CAMK1D: variants seen among roughly 807,000 people sequenced by gnomAD.
CAMK1D encodes calcium/calmodulin dependent protein kinase ID, also known as calcium/calmodulin-dependent protein kinase type 1D.
Under a neutral mutation model 47.7 loss-of-function variants are expected in CAMK1D, and 9 were observed. The ratio of observed to expected loss-of-function variants is 0.19; its 90% CI spans 0.11 to 0.33. The LOEUF (loss-of-function observed/expected upper bound fraction) is 0.33. Among genes scored for constraint, CAMK1D ranks in the 10% least tolerant of loss-of-function variants. CAMK1D has a pLI of 1.00. For synonymous variants in CAMK1D, 184 were observed against 184.9 expected, an observed-to-expected ratio of 0.99 and a Z score of 0.04; for missense variants, 291 against 488.7, an observed-to-expected ratio of 0.60 and a Z score of 3.81.
intron 1 of CAMK1D, among the ~76,000 whole-genome samples, chr10:12,538,770 C>G (rs1425343151): frequency 2.0e-5 from 3 of 151,872 alleles, no homozygotes; most frequent in African/African-American, 4.8e-5. Context: ...AAGGCTTTCC[C>G]CACTTGGTGG....
intron 2 of CAMK1D, among the ~76,000 whole-genome samples, chr10:12,658,632 A>G (rs1166189891): frequency 1.3e-5 from 2 of 152,108 alleles, no homozygotes; most frequent in Non-Finnish European, 2.9e-5. Flanking sequence ...ACACACACAA[A>G]TGGCTGGACA....
chr10:12,357,547 G>A (rs1013528381), intron 1 of CAMK1D, among the ~76,000 whole-genome samples: 4 of 152,086 alleles, frequency 2.6e-5, no homozygotes, highest in African/African-American at 7.2e-5. Context: ...AACTTCTGAC[G>A]CCAAGTGATC....
chr10:12,667,295 A>T (rs940654474), intron 3 of CAMK1D, among the ~76,000 whole-genome samples: 1 of 152,240 alleles, frequency 6.6e-6, no homozygotes, highest in Non-Finnish European at 1.5e-5. Context: ...CATGTGACTG[A>T]AAAGGGAATT....
At chr10:12,483,767 A>G (rs902699187) in intron 1 of CAMK1D, among the ~76,000 whole-genome samples, 13 of 151,944 alleles carry the variant, frequency 8.6e-5, no homozygotes, top group Middle Eastern at 3.2e-3. Context: ...GCTCACTACA[A>G]CCGCCGCCTC....
At chr10:12,735,783 CTTTT>C (rs11373540) in intron 3 of CAMK1D, among the ~76,000 whole-genome samples, 279 of 147,580 alleles carry the variant, frequency 1.9e-3, no homozygotes, top group Middle Eastern at 0.01. Flanking sequence ...CAGTCAGCAT[CTTTT>C]TTTTTTTTTA....
At chr10:12,512,442 C>G (rs1046996805) in intron 1 of CAMK1D, among the ~76,000 whole-genome samples, 2 of 152,180 alleles carry the variant, frequency 1.3e-5, no homozygotes, top group African/African-American at 4.8e-5. Context: ...GTCGCCCAGG[C>G]TGGAATGCAG....
At chr10:12,602,257 G>T (rs1838325580) in intron 2 of CAMK1D, among the ~76,000 whole-genome samples, 1 of 152,108 alleles carries the variant, frequency 6.6e-6, no homozygotes, top group Admixed American at 6.6e-5. Flanking sequence ...TAGAGACAGG[G>T]TCTCACTATA....
At chr10:12,387,385 AT>A (rs1838540189) in intron 1 of CAMK1D, among the ~76,000 whole-genome samples, 2 of 31,886 alleles carry the variant, frequency 6.3e-5, no homozygotes, top group South Asian at 2.3e-3. Flanking sequence ...TATATATTAT[AT>A]ATATTATATA....
chr10:12,664,932 T>C (rs997672834), intron 2 of CAMK1D, among the ~76,000 whole-genome samples: 3 of 152,174 alleles, frequency 2.0e-5, no homozygotes, highest in African/African-American at 7.2e-5. Context: ...CAATTGCAAA[T>C]TAAAACAATT....
chr10:12,416,239 G>A (rs1356596097), intron 1 of CAMK1D, among the ~76,000 whole-genome samples: 2 of 152,034 alleles, frequency 1.3e-5, no homozygotes, highest in African/African-American at 4.8e-5. Flanking sequence ...TAATGGAGAA[G>A]TCGCTGGAAA....
intron 1 of CAMK1D, among the ~76,000 whole-genome samples, chr10:12,483,753 C>T (rs1320307855): frequency 6.6e-6 from 1 of 152,050 alleles, no homozygotes; most frequent in African/African-American, 2.4e-5. Flanking sequence ...GTGGCGTGAT[C>T]TCGGCTCACT....
intron 1 of CAMK1D, among the ~76,000 whole-genome samples, chr10:12,403,791 T>C (rs1014027259): frequency 6.6e-6 from 1 of 151,976 alleles, no homozygotes; most frequent in Non-Finnish European, 1.5e-5. Context: ...AAGTGTGTTT[T>C]TTCCCCCATC....
chr10:12,681,777 T>G (rs1433048982), intron 3 of CAMK1D, among the ~76,000 whole-genome samples: 1 of 152,248 alleles, frequency 6.6e-6, no homozygotes, highest in African/African-American at 2.4e-5. Context: ...GTTGGAAATC[T>G]TTAATCAAAG....
chr10:12,772,039 A>G (rs528629856), intron 5 of CAMK1D, among the ~76,000 whole-genome samples: 2 of 150,826 alleles, frequency 1.3e-5, no homozygotes, highest in African/African-American at 4.8e-5. Context: ...ATCTCAGGAA[A>G]AAAAAAAAAA....
intron 1 of CAMK1D, among the ~76,000 whole-genome samples, chr10:12,366,689 G>A (rs1429067087): frequency 6.6e-6 from 1 of 151,822 alleles, no homozygotes; most frequent in Non-Finnish European, 1.5e-5. Flanking sequence ...ATCATTGGCT[G>A]GATGGATCCT....
At position 12,553,428 on chromosome 10, in the gene CAMK1D, G is replaced by C. The variant is rs1077745; in HGVS notation, c.224+72G>C. The C allele has an allele frequency of 9.1e-6, 12 of 1,318,562 alleles. No individual in the cohort carries two copies. The African/African-American group carries it at 1.3e-4, about 14-fold the overall frequency. The allele number at this position is 1,318,562 out of a possible 1,614,324, so 81.7% of individuals were successfully genotyped here. A position where few individuals can be genotyped will look rare whatever the true frequency, so the allele number is the denominator to read the frequency against. On this transcript the variant is annotated intron_variant, in intron 2 of 10. Transcript: ENST00000619168. ...GTGTGTCCTGCAGGAGTCCTGCCCCGGAGGCAGACTTTCCCCGGGGGCAGA... is the reference window on the plus strand; with the variant it reads ...GTGTGTCCTGCAGGAGTCCTGCCCCCGAGGCAGACTTTCCCCGGGGGCAGA...
At chr10:12,637,943 T>C (rs1188029474) in intron 2 of CAMK1D, among the ~76,000 whole-genome samples, 1 of 152,182 alleles carries the variant, frequency 6.6e-6, no homozygotes, top group African/African-American at 2.4e-5. Context: ...TCCAGCCTTG[T>C]AGCCTCATCC....
intron 3 of CAMK1D, among the ~76,000 whole-genome samples, chr10:12,694,243 A>T (rs371558211): frequency 1.6e-4 from 10 of 61,320 alleles, no homozygotes; most frequent in African/African-American, 5.4e-4. Flanking sequence ...ATAATATATA[A>T]TATATATTAT....
At chr10:12,790,272 C>T (rs1837920773) in intron 5 of CAMK1D, among the ~76,000 whole-genome samples, 1 of 152,246 alleles carries the variant, frequency 6.6e-6, no homozygotes, top group South Asian at 2.1e-4. Context: ...CCTCCCCAAA[C>T]CTTAGAGAAG....
Sources: gnomAD v4.1 joint callset for allele counts (sites outside exome capture counted in the v4.1 genomes callset) on GRCh38, gnomAD v4.1.1 for gene constraint, MANE v1.5 for transcripts, NCBI Gene and HGNC (gene_info 2026-07-23, HGNC 2026-07-21) for gene names.